The following TNFRSF19 variants were observed in gnomAD, a reference collection of about 807,000 sequenced individuals.
TNFRSF19 encodes tumor necrosis factor receptor superfamily member 19.
Under a neutral mutation model 46.4 loss-of-function variants are expected in TNFRSF19, and 27 were observed. The observed-to-expected ratio is 0.58, with a 90% CI of 0.43 to 0.80. The LOEUF is 0.80. Ranked by LOEUF, TNFRSF19 falls within the 30% of genes least tolerant of loss-of-function variation. TNFRSF19 has a pLI of 0.00. For synonymous variants in TNFRSF19, 204 were observed against 205.0 expected (o/e 1.00, Z 0.04); for missense variants, 511 against 530.8 (o/e 0.96, Z 0.37).
chr13:23,570,636 T>C lies in TNFRSF19; in HGVS notation c.-247T>C, dbSNP rs1313448853. ...ACTTTCTTTGATATCCATGCATATA[T>C]ATAAACTCAGCCCTGCCTTTGATGT... On this transcript the variant is annotated 5_prime_UTR_variant, in exon 1 of 10. Transcript: ENST00000248484. 1.3e-5 allele frequency: 2 copies of C among 152,228 alleles called. No individual in the cohort carries two copies. The highest frequency in any genetic ancestry group is 4.8e-5 in the African/African-American group (2 of 41,454). 9.4% of individuals were successfully genotyped at this position (152,228 alleles called of 1,614,324 possible).
At chr13:23,670,221 G>A (rs1043509206) in intron 9 of TNFRSF19, among the ~76,000 whole-genome samples, 4 of 152,166 alleles carry the variant, frequency 2.6e-5, no homozygotes, top group African/African-American at 9.7e-5. Context: ...TTGAAACGGG[G>A]TCTCTCTCTG....
chr13:23,664,403 C>T (rs1951582817), intron 7 of TNFRSF19, among the ~76,000 whole-genome samples: 1 of 152,010 alleles, frequency 6.6e-6, no homozygotes, highest in African/African-American at 2.4e-5. Flanking sequence ...TTATATTCTT[C>T]AGCACGTGTT....
chr13:23,643,202 C>G (rs909496663), intron 5 of TNFRSF19, among the ~76,000 whole-genome samples: 2 of 152,222 alleles, frequency 1.3e-5, no homozygotes, highest in African/African-American at 4.8e-5. Flanking sequence ...GATAAAGTAG[C>G]ATCTAAGAAC....
chr13:23,571,490 A>G (rs1877628955), intron 1 of TNFRSF19, among the ~76,000 whole-genome samples: 1 of 152,198 alleles, frequency 6.6e-6, no homozygotes, highest in South Asian at 2.1e-4. Context: ...TACTCCAGTG[A>G]TTTTCTATAA....
At chr13:23,639,040 T>C (rs2138331225) in intron 5 of TNFRSF19, among the ~76,000 whole-genome samples, 1 of 152,316 alleles carries the variant, frequency 6.6e-6, no homozygotes, top group African/African-American at 2.4e-5. Context: ...TTAATTTTTA[T>C]TTTCTTGATA....
chr13:23,609,397 T>G (rs1880738934), intron 3 of TNFRSF19, among the ~76,000 whole-genome samples: 1 of 152,152 alleles, frequency 6.6e-6, no homozygotes, highest in Non-Finnish European at 1.5e-5. Context: ...AACTTTGGGA[T>G]ATGTGGGAGA....
At chr13:23,609,885 T>G (rs1880778806) in intron 3 of TNFRSF19, among the ~76,000 whole-genome samples, 3 of 152,348 alleles carry the variant, frequency 2.0e-5, no homozygotes, top group Admixed American at 2.0e-4. Context: ...TAGGGATGGT[T>G]GTAAGATATT....
chr13:23,649,927 T>A (rs543753158), intron 5 of TNFRSF19, among the ~76,000 whole-genome samples: 2 of 152,318 alleles, frequency 1.3e-5, no homozygotes, highest in South Asian at 4.1e-4. Flanking sequence ...TTTGTATGAT[T>A]TCTGTCTTTT....
At chr13:23,621,769 C>G (rs1422470248) in intron 4 of TNFRSF19, among the ~76,000 whole-genome samples, 2 of 117,516 alleles carry the variant, frequency 1.7e-5, no homozygotes, top group East Asian at 4.6e-4. Context: ...CATGGCGAAA[C>G]CCTATCTCTA....
chr13:23,598,304 C>A (rs1475142548), intron 3 of TNFRSF19, among the ~76,000 whole-genome samples: 1 of 152,146 alleles, frequency 6.6e-6, no homozygotes, highest in Admixed American at 6.5e-5. Context: ...TTGATGGGTG[C>A]AGCAAACCAC....
chr13:23,630,885 A>G (rs1342535607), intron 5 of TNFRSF19, among the ~76,000 whole-genome samples: 1 of 152,178 alleles, frequency 6.6e-6, no homozygotes, highest in Non-Finnish European at 1.5e-5. Context: ...TTATTTAAGT[A>G]TGTTTAACCT....
intron 3 of TNFRSF19, among the ~76,000 whole-genome samples, chr13:23,596,278 G>A (rs1298323346): frequency 5.3e-5 from 8 of 152,080 alleles, no homozygotes; most frequent in Non-Finnish European, 8.8e-5. Flanking sequence ...AATGTAAATG[G>A]GCTAAATACA....
Position 23,668,933 on chromosome 13 carries a change from C to G in TNFRSF19, c.1081C>G (p.Pro361Ala). The G allele has an allele frequency of 6.2e-7, 1 of 1,614,252 alleles. No homozygotes were observed. Among genetic ancestry groups the G allele is most frequent in the Admixed American group, 1.7e-5 (1 of 60,032 alleles). The change falls in exon 9 of 10, where the codon CCA becomes GCA. Residue 361 changes from proline (P) to alanine (A), a missense_variant. Physicochemically the swap from Pro to Ala is conservative, Grantham distance 27 (BLOSUM62 -1). Around this residue, in one of 3 missense-constraint regions of TNFRSF19, gnomAD observed 376 missense variants for 372.7 expected, o/e 1.01. Coordinates refer to ENST00000248484, the MANE Select transcript of TNFRSF19 (RefSeq NM_148957.4). ...TCAAGATTTGGTTGGTGGGGCTGTT[C>G]CAGTCCAGTCTCATTCTGAAAACTT... is the stretch of plus-strand genomic sequence containing the variant. ...SSQDLVGGAV[P>A]VQSHSENFTA... is the part of the protein sequence containing the mutation.
At chr13:23,603,042 T>C (rs1341763538) in intron 3 of TNFRSF19, among the ~76,000 whole-genome samples, 1 of 151,638 alleles carries the variant, frequency 6.6e-6, no homozygotes, top group Non-Finnish European at 1.5e-5. Context: ...CTGGAGAGAG[T>C]GAAGAATCAC....
rs1877581645 is a variant in TNFRSF19 at position 23,570,611 on chromosome 13, ACTTT to A, written c.-267_-264del. The stretch of plus-strand genomic sequence containing the variant: ...GAGGGTAACTACCTGCTGAAAGTGA[ACTTT>A]CTTTGATATCCATGCATATATATAA... On this transcript the variant is annotated 5_prime_UTR_variant, in exon 1 of 10. Coordinates refer to ENST00000248484, the MANE Select transcript of TNFRSF19 (RefSeq NM_148957.4). 1 of 152,186 alleles carries A rather than the reference ACTTT, an allele frequency of 6.6e-6. No individual in the cohort carries two copies. The highest frequency in any genetic ancestry group is 2.1e-4 in the South Asian group (1 of 4,828). The allele number at this position is 152,186 out of a possible 1,614,324, so 9.4% of individuals were successfully genotyped here.
chr13:23,590,310 A>G, intron 2 of TNFRSF19, 58 bp downstream of exon 2: 1 of 1,031,820 alleles, frequency 9.7e-7, no homozygotes. Context: ...ATGTACTAAT[A>G]AGTAGTAGGA....
chr13:23,643,589 G>A (rs1883147789), intron 5 of TNFRSF19, among the ~76,000 whole-genome samples: 1 of 152,206 alleles, frequency 6.6e-6, no homozygotes, highest in African/African-American at 2.4e-5. Context: ...GTTTCACAGA[G>A]GACATTTCAC....
At chr13:23,578,766 C>G (rs1438094860) in intron 1 of TNFRSF19, among the ~76,000 whole-genome samples, 3 of 152,278 alleles carry the variant, frequency 2.0e-5, no homozygotes, top group Non-Finnish European at 2.9e-5. Flanking sequence ...GTCCCCGGCC[C>G]TGGCCCCGCC....
At chr13:23,667,828 A>C in intron 7 of TNFRSF19, 152 bp from the exon 8 acceptor site, 1 of 599,472 alleles carries the variant, frequency 1.7e-6, no homozygotes, top group Non-Finnish European at 2.8e-6. Context: ...CATTTGTTTA[A>C]GATAAGAAAA....
Sources: allele counts gnomAD v4.1 joint callset (sites outside exome capture counted in the v4.1 genomes callset), GRCh38; gene constraint gnomAD v4.1.1; regional missense constraint gnomAD v4.1.1; transcripts MANE v1.5; gene names NCBI Gene and HGNC (gene_info 2026-07-23, HGNC 2026-07-21).